The following LGSN variants were observed in gnomAD, a reference collection of about 807,000 sequenced individuals.
LGSN encodes the protein lengsin, lens protein with glutamine synthetase domain, also known as lengsin.
In LGSN, 21 loss-of-function variants were observed where a neutral mutation model predicts 19.5. The observed-to-expected ratio is 1.07, with a 90% confidence interval of 0.76 to 1.55. LGSN has a LOEUF of 1.55. Among genes scored for constraint, LGSN ranks in the 40% most tolerant of loss-of-function variants. The pLI is 0.00. For synonymous variants in LGSN, 257 were observed against 215.6 expected, an observed-to-expected ratio of 1.19 and a Z score of -1.68; for missense variants, 673 against 608.5, an observed-to-expected ratio of 1.11 and a Z score of -1.12.
At chr6:63,358,429 G>A in the LGSN span, among the ~76,000 whole-genome samples, 215 of 152,232 alleles carry the variant, frequency 1.4e-3, 1 homozygote, top group Non-Finnish European at 1.2e-4. Context: ...GGGCAGTATG[G>A]CCATTTTCAC....
At chr6:63,456,386 T>C in the LGSN span, among the ~76,000 whole-genome samples, 3 of 126,416 alleles carry the variant, frequency 2.4e-5, no homozygotes, top group East Asian at 6.6e-4. Context: ...TATATATATA[T>C]ATATATACTT....
the LGSN span, among the ~76,000 whole-genome samples, chr6:63,412,571 G>GAAAGA: frequency 2.7e-3 from 172 of 62,784 alleles, no homozygotes; most frequent in South Asian, 7.5e-3. Flanking sequence ...AGAAAGAAAG[G>GAAAGA]AAGGAAGGAA....
At chr6:63,393,705 A>T in the LGSN span, among the ~76,000 whole-genome samples, 2 of 152,180 alleles carry the variant, frequency 1.3e-5, no homozygotes, top group Non-Finnish European at 2.9e-5. Flanking sequence ...CTTTCTTCTC[A>T]GAAGTCCCCT....
the LGSN span, among the ~76,000 whole-genome samples, chr6:63,412,483 G>GAAGAAAGAAAGAAAGAAAGAAACAAAGA: frequency 3.8e-5 from 2 of 52,866 alleles, no homozygotes; most frequent in African/African-American, 1.9e-4. Context: ...AGAAGAAAGA[G>GAAGAAAGAAAGAAAGAAAGAAACAAAGA]AAGAAAGAAA....
At chr6:63,292,559 G>A (rs1039622457) in intron 2 of LGSN, among the ~76,000 whole-genome samples, 1 of 152,126 alleles carries the variant, frequency 6.6e-6, no homozygotes, top group African/African-American at 2.4e-5. Context: ...TCCCCAAAGC[G>A]GCTGGAGAGT....
At chr6:63,350,825 C>T in the LGSN span, among the ~76,000 whole-genome samples, 96 of 151,628 alleles carry the variant, frequency 6.3e-4, no homozygotes, top group African/African-American at 2.1e-3. Flanking sequence ...TCACTCCAGC[C>T]TGGGCCACAG....
the LGSN span, among the ~76,000 whole-genome samples, chr6:63,448,239 C>T: frequency 6.6e-6 from 1 of 151,862 alleles, no homozygotes; most frequent in Non-Finnish European, 1.5e-5. Flanking sequence ...TTTTGTGATA[C>T]GAGGAAAATA....
chr6:63,435,566 C>A, the LGSN span, among the ~76,000 whole-genome samples: 10 of 143,048 alleles, frequency 7.0e-5, no homozygotes, highest in South Asian at 2.3e-3. Flanking sequence ...TGAAATAATT[C>A]TTTTAAAATA....
the LGSN span, among the ~76,000 whole-genome samples, chr6:63,407,894 C>A: frequency 2.1e-4 from 32 of 152,296 alleles, no homozygotes; most frequent in Non-Finnish European, 4.1e-4. Flanking sequence ...AACAGACTAA[C>A]AGGGAGCCAA....
chr6:63,365,747 G>T, the LGSN span, among the ~76,000 whole-genome samples: 1 of 152,098 alleles, frequency 6.6e-6, no homozygotes, highest in African/African-American at 2.4e-5. Flanking sequence ...CCACAATTAA[G>T]TTGGCTTCAT....
Position 63,277,468 on chromosome 6 carries a change from T to G in LGSN, c.*2553A>C, listed in dbSNP as rs1250952728. On this transcript the variant is annotated 3_prime_UTR_variant, in exon 4 of 4. Transcript: ENST00000370657. ...AAATCCCTCAAATTCCCCACTCATA[T>G]GCACACACTCACACACAAACACACA... The G allele has an allele frequency of 2.0e-5, 3 of 152,256 alleles. No homozygotes were observed. Among genetic ancestry groups the G allele is most frequent in the African/African-American group, 4.8e-5 (2 of 41,544 alleles). 9.4% of individuals were successfully genotyped at this position (152,256 alleles called of 1,614,324 possible).
At chr6:63,410,090 T>C in the LGSN span, among the ~76,000 whole-genome samples, 3 of 152,162 alleles carry the variant, frequency 2.0e-5, no homozygotes, top group African/African-American at 4.8e-5. Flanking sequence ...TATAAAATAG[T>C]ACCTGTCTCT....
chr6:63,511,081 T>A, the LGSN span, among the ~76,000 whole-genome samples: 1 of 152,136 alleles, frequency 6.6e-6, no homozygotes, highest in Admixed American at 6.6e-5. Flanking sequence ...ATGGCACCTA[T>A]TACTCTAGGA....
chr6:63,508,062 G>A, the LGSN span, among the ~76,000 whole-genome samples: 9 of 151,988 alleles, frequency 5.9e-5, no homozygotes, highest in Admixed American at 2.6e-4. Context: ...CCAATTCATG[G>A]TTAACTGTTC....
chr6:63,508,655 G>A, the LGSN span, among the ~76,000 whole-genome samples: 1 of 152,044 alleles, frequency 6.6e-6, no homozygotes, highest in Non-Finnish European at 1.5e-5. Flanking sequence ...GGTGGCTCAC[G>A]CCTATAATCC....
chr6:63,319,780 C>T, intron 1 of LGSN, 134 bp downstream of exon 1: 1 of 690,858 alleles, frequency 1.4e-6, no homozygotes, highest in African/African-American at 1.8e-5. Flanking sequence ...TCTTCATAAA[C>T]TTCTCCTGAG....
chr6:63,559,571 C>T, the LGSN span, among the ~76,000 whole-genome samples: 1 of 151,956 alleles, frequency 6.6e-6, no homozygotes, highest in African/African-American at 2.4e-5. Context: ...ATGGTGAAAC[C>T]CTGTCTCTAC....
the LGSN span, among the ~76,000 whole-genome samples, chr6:63,467,522 T>C: frequency 6.6e-6 from 1 of 152,170 alleles, no homozygotes; most frequent in Non-Finnish European, 1.5e-5. Context: ...CAGGTTTGGT[T>C]TCTCCTAAGG....
At chr6:63,479,536 G>A in the LGSN span, among the ~76,000 whole-genome samples, 4 of 152,062 alleles carry the variant, frequency 2.6e-5, no homozygotes, top group South Asian at 4.2e-4. Flanking sequence ...TCAGGAGATC[G>A]AGACCATCCT....
Sources: gnomAD v4.1 joint callset for allele counts (sites outside exome capture counted in the v4.1 genomes callset) on GRCh38, gnomAD v4.1.1 for gene constraint, MANE v1.5 for transcripts, NCBI Gene and HGNC (gene_info 2026-07-23, HGNC 2026-07-21) for gene names.